Variants in AP3S2 observed in about 807,000 individuals in gnomAD.
AP3S2 encodes AP-3 complex subunit sigma-2.
In AP3S2, 22 loss-of-function variants were observed where a neutral mutation model predicts 23.4. That is an observed-to-expected ratio of 0.94 (90% CI 0.67 to 1.34). AP3S2 has a LOEUF of 1.34. Among genes scored for constraint, AP3S2 ranks in the 40% most tolerant of loss-of-function variants. The pLI is 0.00. For synonymous variants in AP3S2, 86 were observed against 87.1 expected, an observed-to-expected ratio of 0.99 and a Z score of 0.07; for missense variants, 241 against 236.9, an observed-to-expected ratio of 1.02 and a Z score of -0.11.
At chr15:89,879,961 A>ATT (rs34697679) in intron 3 of AP3S2, among the ~76,000 whole-genome samples, 6 of 134,248 alleles carry the variant, frequency 4.5e-5, no homozygotes, top group East Asian at 2.2e-4. Flanking sequence ...CATACTCTTC[A>ATT]TTTTTTTTTT....
chr15:89,877,206 G>T, intron 3 of AP3S2: 1 of 680,998 alleles, frequency 1.5e-6, no homozygotes. Flanking sequence ...TAGATGCTCA[G>T]TATGAAAAGG....
intron 4 of AP3S2, among the ~76,000 whole-genome samples, chr15:89,866,261 C>CA (rs368571089): frequency 0.045 from 3,943 of 87,674 alleles, 413 homozygotes; most frequent in African/African-American, 0.15. Context: ...GACTCCGTCT[C>CA]AAAAAAAAAA....
chr15:89,871,620 A>G, intron 3 of AP3S2, 74 bp from the exon 4 acceptor site: 1 of 1,466,138 alleles, frequency 6.8e-7, no homozygotes, highest in Non-Finnish European at 9.4e-7. Context: ...TCACATCTGA[A>G]AGTAAAAGGG....
chr15:89,860,992 C>T (rs2141867162), intron 4 of AP3S2, among the ~76,000 whole-genome samples: 1 of 152,328 alleles, frequency 6.6e-6, no homozygotes, highest in Admixed American at 6.5e-5. Flanking sequence ...CTCACTTGTC[C>T]CTCCATTCCT....
chr15:89,855,931 T>C (rs1246259732), intron 4 of AP3S2, among the ~76,000 whole-genome samples: 1 of 103,372 alleles, frequency 9.7e-6, no homozygotes, highest in Non-Finnish European at 1.9e-5. Context: ...TATGAATAAA[T>C]ATGATATGTC....
chr15:89,843,231 G>T (rs564543412), intron 4 of AP3S2, among the ~76,000 whole-genome samples: 1 of 148,542 alleles, frequency 6.7e-6, no homozygotes, highest in African/African-American at 2.5e-5. Flanking sequence ...TGATCCGTCC[G>T]CCTTGGCCTC....
chr15:89,853,377 T>C (rs1414477814), intron 4 of AP3S2, among the ~76,000 whole-genome samples: 1 of 152,212 alleles, frequency 6.6e-6, no homozygotes, highest in Non-Finnish European at 1.5e-5. Flanking sequence ...ATATCAAATC[T>C]AAGACTTCAC....
intron 1 of AP3S2, among the ~76,000 whole-genome samples, chr15:89,892,066 ATACATGC>A (rs1360273338): frequency 1.3e-5 from 2 of 152,254 alleles, no homozygotes; most frequent in Admixed American, 6.5e-5. Context: ...AGAACATCAG[ATACATGC>A]TACAACATGG....
chr15:89,867,927 G>A (rs1222790624), intron 4 of AP3S2, among the ~76,000 whole-genome samples: 3 of 146,874 alleles, frequency 2.0e-5, no homozygotes, highest in African/African-American at 7.5e-5. Context: ...AGGTGGGGGG[G>A]GTCAGCCCCC....
At chr15:89,870,110 T>C (rs1308292398) in intron 4 of AP3S2, among the ~76,000 whole-genome samples, 2 of 152,146 alleles carry the variant, frequency 1.3e-5, no homozygotes, top group Non-Finnish European at 2.9e-5. Context: ...ATTCCCCCTA[T>C]ATTTTCAAGT....
Position 89,835,111 on chromosome 15 carries a change from ACT to A in AP3S2, c.*402_*403del. 4.4e-6 allele frequency: 1 copy of A among 226,892 alleles called. No homozygotes were observed. The highest frequency in any genetic ancestry group is 9.1e-5 in the East Asian group (1 of 11,048). The allele number at this position is 226,892 out of a possible 1,614,324, so 14.1% of individuals were successfully genotyped here. ...GAAGTCTGTGGTGCTAAGGATGAAG[ACT>A]CTACTCAGAGAAGGTGCTCAGCCCT... On this transcript the variant is annotated 3_prime_UTR_variant, in exon 6 of 6. Coordinates refer to ENST00000336418, the MANE Select transcript of AP3S2 (RefSeq NM_005829.5).
In AP3S2 at chr15:89,893,950, C is replaced by G. The variant is rs1446282167; in HGVS notation, c.-1G>C. On this transcript the variant is annotated 5_prime_UTR_variant, in exon 1 of 6. Coordinates refer to ENST00000336418, the MANE Select transcript of AP3S2 (RefSeq NM_005829.5). ...TGAAAACCAGAATCGCCTGAATCAT[C>G]TTTGCCAGCCACGGTTCTCTCAGCA... 1.3e-6 allele frequency: 2 copies of G among 1,551,490 alleles called. No homozygotes were observed. The highest frequency in any genetic ancestry group is 4.9e-5 in the East Asian group (2 of 40,922).
At chr15:89,856,409 C>T (rs1895837255) in intron 4 of AP3S2, among the ~76,000 whole-genome samples, 1 of 151,262 alleles carries the variant, frequency 6.6e-6, no homozygotes, top group Non-Finnish European at 1.5e-5. Flanking sequence ...CTAAAAAATA[C>T]AAAAATTAGG....
intron 4 of AP3S2, among the ~76,000 whole-genome samples, chr15:89,859,965 C>T (rs543783850): frequency 1.3e-5 from 2 of 151,988 alleles, no homozygotes; most frequent in African/African-American, 4.8e-5. Flanking sequence ...AGGGTTTCAC[C>T]GTGTTAGCCA....
In AP3S2 at chr15:89,835,552, A is replaced by G; in HGVS notation, c.545T>C (p.Leu182Pro). 8.7e-6 allele frequency: 14 copies of G among 1,614,074 alleles called. No individual in the cohort carries two copies. Among genetic ancestry groups the G allele is most frequent in the Non-Finnish European group, 1.1e-5 (13 of 1,180,026 alleles). ...GGACAGGTTGGGAACTTTGATGTTGAGATCGCCAATGTTGATGTTCCGAGG... is the reference window on the plus strand; with the variant it reads ...GGACAGGTTGGGAACTTTGATGTTGGGATCGCCAATGTTGATGTTCCGAGG... ...EIPRNINIGDLNIKVPNLSQF... is the reference protein window; with the variant it reads ...EIPRNINIGDPNIKVPNLSQF... The change falls in exon 6 of 6, where the codon CTC becomes CCC. Residue 182 changes from leucine to proline, a missense_variant. Leu to Pro is a moderately conservative substitution (Grantham distance 98). Transcript: ENST00000336418.
rs780857665 is a variant in AP3S2, at chr15:89,835,614, A to G, written c.483T>C (p.Ala161=). The change falls in exon 6 of 6, where the codon GCT becomes GCC. Residue 161 remains alanine (A), a synonymous_variant. Transcript: ENST00000336418. The part of the protein sequence containing the change: ...EGGLSAAPAR[A]VSAVKNINLP... ...GGTTGATGTTTTTCACAGCAGACAC[A>G]GCCCGCGCAGGGGCTGCTGAAAGGC... 3.1e-6 allele frequency: 5 copies of G among 1,613,430 alleles called. No homozygotes were observed. Among genetic ancestry groups the G allele is most frequent in the Admixed American group, 1.7e-5 (1 of 59,930 alleles).
chr15:89,872,407 A>G (rs138369119), intron 3 of AP3S2, among the ~76,000 whole-genome samples: 116 of 152,344 alleles, frequency 7.6e-4, no homozygotes, highest in African/African-American at 2.7e-3. Flanking sequence ...TTACTTCTCT[A>G]TAGAACCTTT....
At chr15:89,837,849 C>T (rs1295982744) in intron 4 of AP3S2, 127 bp from the exon 5 acceptor site, 6 of 1,072,194 alleles carry the variant, frequency 5.6e-6, no homozygotes, top group African/African-American at 1.6e-5. Flanking sequence ...AACTCAGACA[C>T]TCAAACCCCC....
chr15:89,837,786 G>C, intron 4 of AP3S2, 64 bp from the exon 5 acceptor site: 1 of 1,598,734 alleles, frequency 6.3e-7, no homozygotes, highest in South Asian at 1.1e-5. Context: ...AACCCACGAG[G>C]TTTCCTTTTC....
Sources: gnomAD v4.1 joint callset for allele counts (sites outside exome capture counted in the v4.1 genomes callset) on GRCh38, gnomAD v4.1.1 for gene constraint, MANE v1.5 for transcripts, NCBI Gene and HGNC (gene_info 2026-07-23, HGNC 2026-07-21) for gene names.